Variants in CABCOCO1 observed in about 807,000 individuals in gnomAD.
CABCOCO1 encodes ciliary associated calcium binding coiled-coil 1, also known as ciliary-associated calcium-binding coiled-coil protein 1.
Under a neutral mutation model 35.7 loss-of-function variants are expected in CABCOCO1, and 28 were observed. The observed-to-expected ratio is 0.78, with a 90% CI of 0.58 to 1.07. CABCOCO1 has a LOEUF of 1.07. CABCOCO1 is among the 50% of genes least tolerant of loss of function. The pLI is 0.00. For missense variants in CABCOCO1, 326 were observed against 309.2 expected, an observed-to-expected ratio of 1.05 and a Z score of -0.41; for synonymous variants, 95 against 100.1, an observed-to-expected ratio of 0.95 and a Z score of 0.30.
intron 5 of CABCOCO1, among the ~76,000 whole-genome samples, chr10:61,707,624 A>T (rs939015370): frequency 2.6e-5 from 4 of 152,098 alleles, no homozygotes; most frequent in African/African-American, 9.7e-5. Flanking sequence ...AATGTTTGGG[A>T]TGAAGAGTGT....
chr10:61,721,828 C>G (rs534821870), intron 5 of CABCOCO1, among the ~76,000 whole-genome samples: 99 of 152,244 alleles, frequency 6.5e-4, no homozygotes, highest in African/African-American at 2.4e-3. Flanking sequence ...GGTGCAAAAT[C>G]TTTATTAGGA....
chr10:61,750,371 T>A (rs547446124), intron 5 of CABCOCO1, among the ~76,000 whole-genome samples: 1 of 150,928 alleles, frequency 6.6e-6, no homozygotes, highest in South Asian at 2.1e-4. Context: ...AGGTCAGGAG[T>A]TCAAGACCAG....
chr10:61,742,434 A>T (rs1484267463), intron 5 of CABCOCO1, among the ~76,000 whole-genome samples: 1 of 152,158 alleles, frequency 6.6e-6, no homozygotes, highest in Non-Finnish European at 1.5e-5. Flanking sequence ...CAGAAACTAG[A>T]TTCAAATCCT....
chr10:61,717,695 C>T (rs1015755913), intron 5 of CABCOCO1, among the ~76,000 whole-genome samples: 1 of 152,050 alleles, frequency 6.6e-6, no homozygotes, highest in Non-Finnish European at 1.5e-5. Flanking sequence ...AACAGGAAAG[C>T]TTTAGTTTAA....
rs35492889 is a variant in CABCOCO1, at chr10:61,677,811, G to GTTTTTTTTTTTTTTTTTTTTTTTTTTT, written c.165-3307_165-3306insTTTTTTTTTTTTTTTTTTTTTTTTTTT. On this transcript the variant is annotated intron_variant, in intron 2 of 7. Transcript: ENST00000648843. ...ACATGCGGTGTTTGGTTTTTTGGGT[G>GTTTTTTTTTTTTTTTTTTTTTTTTTTT]TTTTTTTTTTTTTTTTTTTTTTTTT... is the stretch of plus-strand genomic sequence containing the variant. Among the ~76,000 whole-genome samples the GTTTTTTTTTTTTTTTTTTTTTTTTTTT allele has an allele frequency of 8.3e-5, 5 of 60,308 alleles. 1 individual carries two copies. Among genetic ancestry groups the GTTTTTTTTTTTTTTTTTTTTTTTTTTT allele is most frequent in the African/African-American group, 2.7e-4 (4 of 14,964 alleles). The allele number at this position is 60,308 out of a possible 152,430, so 39.6% of individuals were successfully genotyped here. A position where few individuals can be genotyped will look rare whatever the true frequency, so the allele number is the denominator to read the frequency against.
At chr10:61,677,243 A>G (rs1839542322) in intron 2 of CABCOCO1, among the ~76,000 whole-genome samples, 1 of 152,118 alleles carries the variant, frequency 6.6e-6, no homozygotes, top group Non-Finnish European at 1.5e-5. Context: ...ATATCTCACC[A>G]TGGCCAATAT....
intron 1 of CABCOCO1, among the ~76,000 whole-genome samples, chr10:61,664,247 G>T (rs1056454838): frequency 2.6e-5 from 4 of 152,062 alleles, no homozygotes; most frequent in Non-Finnish European, 5.9e-5. Flanking sequence ...TTCAAAAGTA[G>T]CACAGGAAAT....
At chr10:61,668,289 T>C (rs1839251687) in intron 1 of CABCOCO1, among the ~76,000 whole-genome samples, 1 of 152,012 alleles carries the variant, frequency 6.6e-6, no homozygotes. Context: ...TCTGCATTGA[T>C]TTGTGATTTT....
At chr10:61,745,174 T>G (rs1253016817) in intron 5 of CABCOCO1, among the ~76,000 whole-genome samples, 4 of 152,172 alleles carry the variant, frequency 2.6e-5, no homozygotes, top group African/African-American at 9.7e-5. Flanking sequence ...TATAAATGTT[T>G]TAAGTAAAAA....
intron 7 of CABCOCO1, 55 bp from the exon 8 acceptor site, chr10:61,765,884 T>A (rs1842097439): frequency 6.7e-7 from 1 of 1,497,144 alleles, no homozygotes; most frequent in Admixed American, 1.7e-5. Flanking sequence ...ACAAAGACAA[T>A]GTGCAGCAAA....
rs1030001720 is a variant in CABCOCO1 at position 61,735,516 on chromosome 10, A to G, written c.553-24543A>G. On this transcript the variant is annotated intron_variant, in intron 5 of 7. Transcript: ENST00000648843. ...ACCCCTCTGGAGCTTCTGTTGTCCT[A>G]TGGAGGTCTTGCTGAAAAAGACGAG... Among the ~76,000 whole-genome samples, 8 of 152,240 alleles carry G rather than the reference A, an allele frequency of 5.3e-5. No homozygotes were observed. In the East Asian group the frequency reaches 1.3e-3, roughly 26 times the overall value.
At chr10:61,696,057 C>T (rs1189733494) in intron 5 of CABCOCO1, among the ~76,000 whole-genome samples, 3 of 151,878 alleles carry the variant, frequency 2.0e-5, no homozygotes, top group Admixed American at 6.6e-5. Context: ...ATAGATCTAT[C>T]GATGAATCTA....
intron 5 of CABCOCO1, among the ~76,000 whole-genome samples, chr10:61,731,062 T>C (rs1037776270): frequency 6.7e-6 from 1 of 149,324 alleles, no homozygotes; most frequent in African/African-American, 2.5e-5. Flanking sequence ...TTTATTGGAG[T>C]AGAGGGATCG....
chr10:61,667,198 AT>A (rs936427377), intron 1 of CABCOCO1, among the ~76,000 whole-genome samples: 9 of 146,310 alleles, frequency 6.2e-5, no homozygotes, highest in Admixed American at 1.4e-4. Context: ...TATAAATATA[AT>A]TATAAATTAT....
chr10:61,721,819 G>A (rs570743697), intron 5 of CABCOCO1, among the ~76,000 whole-genome samples: 1 of 152,250 alleles, frequency 6.6e-6, no homozygotes, highest in Admixed American at 6.5e-5. Context: ...CAGATTTTGG[G>A]TGCAAAATCT....
rs754746037 is a variant in CABCOCO1 at position 61,760,191 on chromosome 10, T to A, written c.675+10T>A. 1 of 1,610,000 alleles carries A rather than the reference T, an allele frequency of 6.2e-7. No homozygotes were observed. The highest frequency in any genetic ancestry group is 8.5e-7 in the Non-Finnish European group (1 of 1,177,004). ...GGATACGGAAATGAAGGTATATTTC[T>A]TTTTGTCTTTCCATTCACCCTACCT... On this transcript the variant is annotated intron_variant, in intron 6 of 7. Coordinates refer to ENST00000648843, the MANE Select transcript of CABCOCO1 (RefSeq NM_001366906.2).
rs760666833 is a variant in CABCOCO1 at position 61,682,346 on chromosome 10, G to GA, written c.334+1040dup. On this transcript the variant is annotated intron_variant, in intron 3 of 7. Transcript: ENST00000648843. Reference sequence around the variant, plus strand: ...AGGAATCTAGTTTTTCCTCCTGGCAGAAAAAATTTTTTTTAAAAATCCCTC... The same window carrying GA: ...AGGAATCTAGTTTTTCCTCCTGGCAGAAAAAAATTTTTTTTAAAAATCCCTC... Among the ~76,000 whole-genome samples, 29 of 152,138 alleles carry GA rather than the reference G, an allele frequency of 1.9e-4. No individual in the cohort carries two copies. In the East Asian group the frequency reaches 5.2e-3, roughly 27 times the overall value.
Position 61,686,165 on chromosome 10 carries a change from C to T in CABCOCO1, c.459C>T (p.Ile153=), listed in dbSNP as rs752708378. 6.4e-6 allele frequency: 10 copies of T among 1,574,486 alleles called. No homozygotes were observed. The highest frequency in any genetic ancestry group is 7.7e-6 in the Non-Finnish European group (9 of 1,168,264). The change falls in exon 4 of 8, where the codon ATC becomes ATT. Residue 153 remains isoleucine, a synonymous_variant. Coordinates refer to ENST00000648843, the MANE Select transcript of CABCOCO1 (RefSeq NM_001366906.2). The stretch of plus-strand genomic sequence containing the variant: ...TTGATGTAAAACAAGCCAATGCTAT[C>T]ATTGATTACTTAAAAATCAGGTATG... ...NIFDVKQANA[I]IDYLKISLFQ...
intron 5 of CABCOCO1, among the ~76,000 whole-genome samples, chr10:61,703,200 A>T (rs1840503316): frequency 6.7e-6 from 1 of 150,240 alleles, no homozygotes; most frequent in Admixed American, 6.7e-5. Context: ...ATACAGTATC[A>T]TATAAATGTA....
Sources: allele counts gnomAD v4.1 joint callset (sites outside exome capture counted in the v4.1 genomes callset), GRCh38; gene constraint gnomAD v4.1.1; transcripts MANE v1.5; gene names NCBI Gene and HGNC (gene_info 2026-07-23, HGNC 2026-07-21).